DMRT1: variants seen among roughly 807,000 people sequenced by gnomAD.
DMRT1 encodes the protein doublesex- and mab-3-related transcription factor 1.
Under a neutral mutation model 32.3 loss-of-function variants are expected in DMRT1, and 7 were observed. That is an observed-to-expected ratio of 0.22 (90% CI 0.12 to 0.41). The LOEUF is 0.41. DMRT1 is among the 10% of genes least tolerant of loss of function. The pLI is 1.00. For synonymous variants in DMRT1, 278 were observed against 206.1 expected, an observed-to-expected ratio of 1.35 and a Z score of -2.99; for missense variants, 625 against 500.5, an observed-to-expected ratio of 1.25 and a Z score of -2.37.
intron 4 of DMRT1, among the ~76,000 whole-genome samples, chr9:929,131 T>C (rs2129846314): frequency 6.6e-6 from 1 of 152,250 alleles, no homozygotes; most frequent in Admixed American, 6.5e-5. Flanking sequence ...GAGCCACCAC[T>C]CCCGGCTTAA....
chr9:843,978 A>T (rs1045667055), intron 1 of DMRT1, among the ~76,000 whole-genome samples: 9 of 145,010 alleles, frequency 6.2e-5, no homozygotes, highest in African/African-American at 2.3e-4. Flanking sequence ...CATCACAATG[A>T]GTTTACTGAA....
At chr9:895,993 C>T (rs1817344048) in intron 3 of DMRT1, among the ~76,000 whole-genome samples, 3 of 151,566 alleles carry the variant, frequency 2.0e-5, no homozygotes, top group Admixed American at 6.6e-5. Flanking sequence ...TTAGTAGAGA[C>T]GGGGTTTCAC....
chr9:846,606 G>C, intron 1 of DMRT1, among the ~76,000 whole-genome samples: 1 of 151,212 alleles, frequency 6.6e-6, no homozygotes, highest in Non-Finnish European at 1.5e-5. Flanking sequence ...TAAGAGACAG[G>C]GTCTTGCTCT....
chr9:906,153 C>T (rs1385103221), intron 3 of DMRT1, among the ~76,000 whole-genome samples: 1 of 152,242 alleles, frequency 6.6e-6, no homozygotes, highest in African/African-American at 2.4e-5. Flanking sequence ...GGACTCCCTT[C>T]ATGGTCTTAG....
chr9:851,937 CTTTTTTTTTGTTT>C (rs1815155913), intron 2 of DMRT1, among the ~76,000 whole-genome samples: 1 of 119,892 alleles, frequency 8.3e-6, no homozygotes. Flanking sequence ...AGCAGGTACA[CTTTTTTTTTGTTT>C]TTTTTTTTTG....
At chr9:940,053 G>A (rs1470465968) in intron 4 of DMRT1, among the ~76,000 whole-genome samples, 2 of 152,036 alleles carry the variant, frequency 1.3e-5, no homozygotes, top group African/African-American at 2.4e-5. Flanking sequence ...TCAAAAAAAC[G>A]GAAAACAACA....
rs1204778545 is a variant in DMRT1 at position 842,028 on chromosome 9, G to C, written c.190G>C (p.Gly64Arg). 6 of 1,548,094 alleles carry C rather than the reference G, an allele frequency of 3.9e-6. No individual in the cohort carries two copies. The highest frequency in any genetic ancestry group is 5.2e-6 in the Non-Finnish European group (6 of 1,149,378). Reference sequence around the variant, plus strand: ...CTCCGGCTCCGGGGCGTCGGACCTGGGTGCCGGGAGCAAGAAGTCCCCGCG... The same window carrying C: ...CTCCGGCTCCGGGGCGTCGGACCTGCGTGCCGGGAGCAAGAAGTCCCCGCG... ...GGSGSGASDL[G>R]AGSKKSPRLP... Residue 64 changes from glycine to arginine, a missense_variant, in exon 1 of 5, where the codon GGT becomes CGT. By Grantham distance (125) the Gly-to-Arg change is moderately radical (BLOSUM62 -2). Around this residue, in one of 3 missense-constraint regions of DMRT1, gnomAD observed 201 missense variants for 152.0 expected, o/e 1.32. Coordinates refer to ENST00000382276, the MANE Select transcript of DMRT1 (RefSeq NM_021951.3).
rs184098614 is a variant in DMRT1, at chr9:847,986, G to A, written c.538+843G>A. Among the ~76,000 whole-genome samples, 18 of 152,300 alleles carry A rather than the reference G, an allele frequency of 1.2e-4. No individual in the cohort carries two copies. In the East Asian group the frequency reaches 3.3e-3, roughly 28 times the overall value. Reference sequence around the variant, plus strand: ...TTAGAAAGTCTAATTCGATGGCACTGGTCTAGAATGTGGGAGCTATGAGAC... The same window carrying A: ...TTAGAAAGTCTAATTCGATGGCACTAGTCTAGAATGTGGGAGCTATGAGAC... On this transcript the variant is annotated intron_variant, in intron 2 of 4. Coordinates refer to ENST00000382276, the MANE Select transcript of DMRT1 (RefSeq NM_021951.3).
At chr9:872,262 C>T (rs553711360) in intron 2 of DMRT1, among the ~76,000 whole-genome samples, 1 of 151,912 alleles carries the variant, frequency 6.6e-6, no homozygotes, top group Non-Finnish European at 1.5e-5. Context: ...AGGGTTTCAC[C>T]ATGTTGGCCA....
At chr9:885,757 C>G (rs1178948597) in intron 2 of DMRT1, among the ~76,000 whole-genome samples, 1 of 152,182 alleles carries the variant, frequency 6.6e-6, no homozygotes, top group Non-Finnish European at 1.5e-5. Context: ...GCACAGGCTT[C>G]TGCAGTGGAG....
intron 4 of DMRT1, among the ~76,000 whole-genome samples, chr9:961,907 T>C (rs1215216437): frequency 1.3e-5 from 2 of 152,188 alleles, no homozygotes; most frequent in African/African-American, 4.8e-5. Context: ...TTTTCACAGA[T>C]GGAGAAACTA....
intron 4 of DMRT1, among the ~76,000 whole-genome samples, chr9:937,193 G>T (rs944137239): frequency 6.6e-6 from 1 of 152,110 alleles, no homozygotes; most frequent in African/African-American, 2.4e-5. Context: ...CCTTTTTATG[G>T]CTGAATAATA....
Position 921,385 on chromosome 9 carries a change from G to T in DMRT1, c.967+4478G>T, listed in dbSNP as rs73378501. Among the ~76,000 whole-genome samples the T allele has an allele frequency of 2.7e-3, 418 of 152,126 alleles. 3 individuals carry two copies. Among genetic ancestry groups the T allele is most frequent in the African/African-American group, 9.5e-3 (396 of 41,482 alleles). On this transcript the variant is annotated intron_variant, in intron 4 of 4. Coordinates refer to ENST00000382276, the MANE Select transcript of DMRT1 (RefSeq NM_021951.3). Reference sequence around the variant, plus strand: ...TGGATATACCACATTTTGTTTAGCCGTTCATCAGTTGAGGGATATTGGGTT... The same window carrying T: ...TGGATATACCACATTTTGTTTAGCCTTTCATCAGTTGAGGGATATTGGGTT...
chr9:841,898 C>G lies in DMRT1; in HGVS notation c.60C>G (p.Pro20=). Residue 20 remains proline, a synonymous_variant, in exon 1 of 5, where the codon CCC becomes CCG. Transcript: ENST00000382276. ...PSTPSEAPHA[P]GVPPQGRAGG... is the part of the protein sequence containing the mutation. ...CACCGTCGGAAGCCCCTCACGCCCC[C>G]GGGGTACCGCCGCAGGGCAGAGCCG... 1.2e-6 allele frequency: 2 copies of G among 1,611,580 alleles called. No individual in the cohort carries two copies. Among genetic ancestry groups the G allele is most frequent in the Middle Eastern group, 1.7e-4 (1 of 5,980 alleles).
intron 2 of DMRT1, among the ~76,000 whole-genome samples, chr9:869,256 A>G (rs562298167): frequency 4.6e-5 from 7 of 152,302 alleles, no homozygotes; most frequent in East Asian, 1.9e-4. Flanking sequence ...CTATGGTGAC[A>G]TGCAATGGAG....
At chr9:855,149 G>C (rs1182973497) in intron 2 of DMRT1, among the ~76,000 whole-genome samples, 3 of 152,040 alleles carry the variant, frequency 2.0e-5, no homozygotes, top group Admixed American at 1.3e-4. Context: ...TATATGTCAA[G>C]TATAGCAGTT....
At position 841,915 on chromosome 9, in the gene DMRT1, G is replaced by T. The variant is rs760329767; in HGVS notation, c.77G>T (p.Gly26Val). The part of the protein sequence containing the change: ...APHAPGVPPQ[G>V]RAGGFGKASG... The stretch of plus-strand genomic sequence containing the variant: ...CACGCCCCCGGGGTACCGCCGCAGG[G>T]CAGAGCCGGGGGCTTTGGCAAAGCG... Residue 26 changes from glycine to valine, a missense_variant, in exon 1 of 5, where the codon GGC (glycine) becomes GTC (valine). Coordinates refer to ENST00000382276, the MANE Select transcript of DMRT1 (RefSeq NM_021951.3). 24 of 1,609,088 alleles carry T rather than the reference G, an allele frequency of 1.5e-5. No homozygotes were observed. The highest frequency in any genetic ancestry group is 1.9e-5 in the Non-Finnish European group (22 of 1,177,898).
chr9:909,737 A>T (rs774506056), intron 3 of DMRT1, among the ~76,000 whole-genome samples: 8 of 151,878 alleles, frequency 5.3e-5, no homozygotes, highest in Non-Finnish European at 1.2e-4. Context: ...TTTTTGAAAC[A>T]GGGTCTTAAT....
intron 2 of DMRT1, among the ~76,000 whole-genome samples, chr9:872,640 G>C (rs1816323481): frequency 6.6e-6 from 1 of 152,166 alleles, no homozygotes; most frequent in Non-Finnish European, 1.5e-5. Context: ...CCGTGTTGTA[G>C]CATGTTTCAG....
Sources: gnomAD v4.1 joint callset for allele counts (sites outside exome capture counted in the v4.1 genomes callset) on GRCh38, gnomAD v4.1.1 for gene constraint, gnomAD v4.1.1 regional missense constraint, MANE v1.5 for transcripts, NCBI Gene and HGNC (gene_info 2026-07-23, HGNC 2026-07-21) for gene names.